Variants in ASCC1 observed in about 807,000 individuals in gnomAD.
ASCC1 encodes the protein ASC-1 complex subunit P50.
Under a neutral mutation model 46.6 loss-of-function variants are expected in ASCC1, and 35 were observed. The observed-to-expected ratio is 0.75, with a 90% CI of 0.57 to 0.99. The LOEUF is 0.99. ASCC1 is among the 50% of genes least tolerant of loss of function. The pLI is 0.00. For missense variants in ASCC1, 376 were observed against 428.7 expected (o/e 0.88, Z 1.09); for synonymous variants, 143 against 146.6 (o/e 0.98, Z 0.18).
chr10:72,198,486 G>A, intron 4 of ASCC1: 1 of 453,396 alleles, frequency 2.2e-6, no homozygotes, highest in Non-Finnish European at 4.4e-6. Flanking sequence ...GCCAAGGCAG[G>A]AGGATTGCCT....
chr10:72,197,447 A>C (rs1420289909), intron 4 of ASCC1, among the ~76,000 whole-genome samples: 1 of 143,300 alleles, frequency 7.0e-6, no homozygotes, highest in African/African-American at 2.6e-5. Context: ...CAGCCTGGGC[A>C]ATAGAGCAAG....
intron 7 of ASCC1, among the ~76,000 whole-genome samples, chr10:72,141,118 G>T (rs1293145681): frequency 6.6e-6 from 1 of 151,834 alleles, no homozygotes; most frequent in Non-Finnish European, 1.5e-5. Context: ...TAGATATACA[G>T]ATATATATAG....
At chr10:72,099,820 C>T (rs1841528010) in intron 9 of ASCC1, among the ~76,000 whole-genome samples, 1 of 151,654 alleles carries the variant, frequency 6.6e-6, no homozygotes, top group South Asian at 2.1e-4. Flanking sequence ...AACTCTGTCT[C>T]AAACAAACAA....
intron 5 of ASCC1, among the ~76,000 whole-genome samples, chr10:72,180,617 C>T (rs926625724): frequency 1.3e-5 from 2 of 152,004 alleles, no homozygotes; most frequent in African/African-American, 4.8e-5. Context: ...CAGAATGAGA[C>T]TCTGTCTCAA....
intron 5 of ASCC1, among the ~76,000 whole-genome samples, chr10:72,177,806 C>A (rs912351894): frequency 6.6e-6 from 1 of 151,942 alleles, no homozygotes; most frequent in Non-Finnish European, 1.5e-5. Context: ...ATGCAAGAGA[C>A]GAAAGAATGA....
chr10:72,111,122 A>G (rs1363427540), intron 9 of ASCC1, among the ~76,000 whole-genome samples: 1 of 152,188 alleles, frequency 6.6e-6, no homozygotes, highest in Non-Finnish European at 1.5e-5. Flanking sequence ...TCAAATAAGC[A>G]AAATGCTTTG....
chr10:72,204,490 G>A, intron 3 of ASCC1: 8 of 1,549,884 alleles, frequency 5.2e-6, no homozygotes, highest in Non-Finnish European at 6.1e-6. Context: ...CGTTTGATGT[G>A]TTCAAGTGAA....
intron 5 of ASCC1, among the ~76,000 whole-genome samples, chr10:72,162,736 A>C (rs1029315861): frequency 2.0e-5 from 3 of 152,092 alleles, no homozygotes; most frequent in Non-Finnish European, 2.9e-5. Flanking sequence ...TGAGATCAGG[A>C]GTTCAAGACC....
intron 9 of ASCC1, among the ~76,000 whole-genome samples, chr10:72,114,550 G>A (rs530807964): frequency 3.8e-4 from 58 of 151,468 alleles, no homozygotes; most frequent in Non-Finnish European, 6.0e-4. Context: ...GTGTGAACCC[G>A]GGAGGCGGAG....
chr10:72,115,199 A>C (rs1008126853), intron 9 of ASCC1, among the ~76,000 whole-genome samples: 1 of 152,172 alleles, frequency 6.6e-6, no homozygotes, highest in African/African-American at 2.4e-5. Flanking sequence ...CATAAGAAAA[A>C]ATCTTTTTCT....
rs185648321 is a variant in ASCC1, at chr10:72,123,234, G to A, written c.957+4848C>T. Reference sequence around the variant, plus strand: ...TGTGCCTGTAGTCCCAGCTGCTGGGGAGGCTGAGGCAGGAGAATGGCATGA... The same window carrying A: ...TGTGCCTGTAGTCCCAGCTGCTGGGAAGGCTGAGGCAGGAGAATGGCATGA... On this transcript the variant is annotated intron_variant, in intron 9 of 9. Transcript: ENST00000672957. 1.9e-3 allele frequency among the ~76,000 whole-genome samples: 282 copies of A among 151,976 alleles called. 2 individuals carry two copies. The highest frequency in any genetic ancestry group is 6.1e-3 in the African/African-American group (254 of 41,420).
rs56055717 is a variant in ASCC1, at chr10:72,107,311, C to A, written c.958-9861G>T. ...AGTTCACAAATAAGTTACCCCCCCC[C>A]CAAAAAAATAAATTTTGTTTCAAAG... On this transcript the variant is annotated intron_variant, in intron 9 of 9. Transcript: ENST00000672957. Among the ~76,000 whole-genome samples the A allele has an allele frequency of 3.6e-3, 487 of 136,352 alleles. 4 individuals are homozygous for A. Among genetic ancestry groups the A allele is most frequent in the African/African-American group, 0.011 (423 of 38,364 alleles). The allele number at this position is 136,352 out of a possible 152,430, so 89.5% of individuals were successfully genotyped here. A position where few individuals can be genotyped will look rare whatever the true frequency, so the allele number is the denominator to read the frequency against.
At chr10:72,170,022 A>T (rs1028513953) in intron 5 of ASCC1, among the ~76,000 whole-genome samples, 3 of 152,140 alleles carry the variant, frequency 2.0e-5, no homozygotes, top group Non-Finnish European at 2.9e-5. Flanking sequence ...CAAGAAGCTG[A>T]GGCAGGAGAA....
At chr10:72,176,367 G>C (rs1851857335) in intron 5 of ASCC1, among the ~76,000 whole-genome samples, 1 of 151,996 alleles carries the variant, frequency 6.6e-6, no homozygotes, top group Non-Finnish European at 1.5e-5. Flanking sequence ...TTTGGAGACA[G>C]GGTCTCGCTC....
At chr10:72,118,858 C>G (rs1265494775) in intron 9 of ASCC1, among the ~76,000 whole-genome samples, 1 of 152,152 alleles carries the variant, frequency 6.6e-6, no homozygotes, top group Non-Finnish European at 1.5e-5. Context: ...GCATTAATAT[C>G]TTTTTTTAAA....
chr10:72,119,856 G>C (rs556431824), intron 9 of ASCC1, among the ~76,000 whole-genome samples: 11 of 152,286 alleles, frequency 7.2e-5, no homozygotes, highest in Admixed American at 3.9e-4. Flanking sequence ...AATGGATAAA[G>C]GAGACAACAT....
chr10:72,153,701 C>T (rs1299795376), intron 6 of ASCC1, among the ~76,000 whole-genome samples: 1 of 151,898 alleles, frequency 6.6e-6, no homozygotes, highest in Non-Finnish European at 1.5e-5. Flanking sequence ...GCTGGGATTA[C>T]AGGTGTGAGC....
At chr10:72,170,870 T>G (rs1193346210) in intron 5 of ASCC1, among the ~76,000 whole-genome samples, 4 of 152,172 alleles carry the variant, frequency 2.6e-5, no homozygotes, top group Middle Eastern at 3.4e-3. Flanking sequence ...CCAGACACAG[T>G]GGTGCACGCC....
chr10:72,207,746 T>C lies in ASCC1; in HGVS notation c.212+2986A>G, dbSNP rs111918319. 7.2e-5 allele frequency among the ~76,000 whole-genome samples: 11 copies of C among 152,252 alleles called. No homozygotes were observed. In the East Asian group the frequency reaches 9.6e-4, roughly 13 times the overall value. On this transcript the variant is annotated intron_variant, in intron 3 of 9. Coordinates refer to ENST00000672957, the MANE Select transcript of ASCC1 (RefSeq NM_001198800.3). ...TATTAGGCTCTGATTATAAATTAGT[T>C]TGGCCAGGTAATTTCTTTCTTGATC...
Sources: gnomAD v4.1 joint callset for allele counts (sites outside exome capture counted in the v4.1 genomes callset) on GRCh38, gnomAD v4.1.1 for gene constraint, MANE v1.5 for transcripts, NCBI Gene and HGNC (gene_info 2026-07-23, HGNC 2026-07-21) for gene names.